CNTN6: variants seen among roughly 807,000 people sequenced by gnomAD.
The protein encoded by CNTN6 is contactin 6, also known as contactin-6.
In CNTN6, 137 loss-of-function variants were observed where a neutral mutation model predicts 122.8. That is an observed-to-expected ratio of 1.12 (90% CI 0.97 to 1.29). The LOEUF (loss-of-function observed/expected upper bound fraction) is 1.29. Among genes scored for constraint, CNTN6 ranks in the 50% most tolerant of loss-of-function variants. CNTN6 has a pLI of 0.00. For synonymous variants in CNTN6, 570 were observed against 426.0 expected, an observed-to-expected ratio of 1.34 and a Z score of -4.16; for missense variants, 1,634 against 1,223.4, an observed-to-expected ratio of 1.34 and a Z score of -5.01.
chr3:1,156,631 C>CTT (rs957597336), intron 2 of CNTN6, among the ~76,000 whole-genome samples: 49 of 147,750 alleles, frequency 3.3e-4, no homozygotes, highest in Non-Finnish European at 4.3e-4. Flanking sequence ...TTCTTTCTTT[C>CTT]TCTTTCTTTC....
intron 10 of CNTN6, among the ~76,000 whole-genome samples, chr3:1,328,809 AC>A (rs1701882185): frequency 6.6e-6 from 1 of 151,716 alleles, no homozygotes; most frequent in Non-Finnish European, 1.5e-5. Context: ...AGAAATGGAG[AC>A]TGGACACATG....
intron 7 of CNTN6, among the ~76,000 whole-genome samples, chr3:1,310,472 G>A (rs1699051828): frequency 6.6e-6 from 1 of 152,020 alleles, no homozygotes; most frequent in South Asian, 2.1e-4. Context: ...GTCCTATTTT[G>A]TTGTGGTGCA....
intron 1 of CNTN6, among the ~76,000 whole-genome samples, chr3:1,110,551 G>A (rs1051346444): frequency 1.3e-5 from 2 of 152,006 alleles, no homozygotes; most frequent in Admixed American, 1.3e-4. Context: ...TGGCAAATTT[G>A]GGGAAAAAGA....
intron 4 of CNTN6, among the ~76,000 whole-genome samples, chr3:1,240,670 C>A (rs1322780747): frequency 6.7e-6 from 1 of 149,752 alleles, no homozygotes; most frequent in African/African-American, 2.5e-5. Context: ...AATCCCACTA[C>A]TTGGTGTCTA....
Position 1,093,104 on chromosome 3 carries a change from C to T in CNTN6, c.-99C>T. ...AGTTCTGCAGAAAAACTGTAAAGAT[C>T]CCGAGACATTTCCCTGGTAAGATCT... On this transcript the variant is annotated 5_prime_UTR_variant, in exon 1 of 23. Coordinates refer to ENST00000446702, the MANE Select transcript of CNTN6 (RefSeq NM_001289080.2). The T allele has an allele frequency of 3.4e-6, 1 of 290,982 alleles. No homozygotes were observed. Among genetic ancestry groups the T allele is most frequent in the Non-Finnish European group, 6.8e-6 (1 of 146,234 alleles). The allele number at this position is 290,982 out of a possible 1,614,324, so 18.0% of individuals were successfully genotyped here.
At chr3:1,296,995 T>C (rs3772307) in intron 6 of CNTN6, among the ~76,000 whole-genome samples, 34,463 of 151,758 alleles carry the variant, frequency 0.23, 4,009 homozygotes, top group Non-Finnish European at 0.26. Context: ...TCAAACCTAT[T>C]TTAAAAGTGA....
At chr3:1,238,286 G>A (rs1313164127) in intron 4 of CNTN6, among the ~76,000 whole-genome samples, 2 of 152,108 alleles carry the variant, frequency 1.3e-5, no homozygotes, top group African/African-American at 4.8e-5. Context: ...AGCAGGAGTA[G>A]CTATTCTTCT....
At chr3:1,136,864 C>G (rs2092488077) in intron 1 of CNTN6, among the ~76,000 whole-genome samples, 1 of 152,094 alleles carries the variant, frequency 6.6e-6, no homozygotes, top group Non-Finnish European at 1.5e-5. Context: ...TTACTTAGTT[C>G]CTCCCAGTTT....
At chr3:1,189,042 AAAAAC>A (rs200979584) in intron 2 of CNTN6, among the ~76,000 whole-genome samples, 27 of 152,320 alleles carry the variant, frequency 1.8e-4, no homozygotes, top group Admixed American at 5.2e-4. Flanking sequence ...ATTTGCTGAT[AAAAAC>A]AAAACAAAAC....
At chr3:1,262,883 TATAA>T (rs1310730656) in intron 4 of CNTN6, among the ~76,000 whole-genome samples, 1 of 151,556 alleles carries the variant, frequency 6.6e-6, no homozygotes, top group Non-Finnish European at 1.5e-5. Flanking sequence ...TAAATGTAAA[TATAA>T]ATAAATCCAA....
intron 1 of CNTN6, among the ~76,000 whole-genome samples, chr3:1,107,723 A>G (rs2091291095): frequency 6.6e-6 from 1 of 151,956 alleles, no homozygotes; most frequent in African/African-American, 2.4e-5. Flanking sequence ...GGTAGGTGCT[A>G]ATGTGTATAA....
At chr3:1,366,729 T>G (rs1369692191) in intron 12 of CNTN6, among the ~76,000 whole-genome samples, 2 of 152,128 alleles carry the variant, frequency 1.3e-5, no homozygotes, top group African/African-American at 4.8e-5. Context: ...ATCAATGGCC[T>G]CATGGCTATT....
intron 12 of CNTN6, among the ~76,000 whole-genome samples, chr3:1,362,913 A>G (rs1429225672): frequency 1.3e-5 from 2 of 151,918 alleles, no homozygotes; most frequent in Admixed American, 1.3e-4. Context: ...ATTAAGTCAA[A>G]AAAACAAGAC....
At chr3:1,166,833 A>G (rs1233190596) in intron 2 of CNTN6, among the ~76,000 whole-genome samples, 2 of 152,150 alleles carry the variant, frequency 1.3e-5, no homozygotes, top group Non-Finnish European at 2.9e-5. Context: ...GAGTTGAGCT[A>G]TGAGAACACA....
chr3:1,229,053 T>G (rs79203164), intron 4 of CNTN6, among the ~76,000 whole-genome samples: 1 of 152,112 alleles, frequency 6.6e-6, no homozygotes, highest in Non-Finnish European at 1.5e-5. Context: ...CACATATACA[T>G]ATATACAGAT....
chr3:1,298,227 T>G, intron 7 of CNTN6: 1 of 433,726 alleles, frequency 2.3e-6, no homozygotes, highest in Non-Finnish European at 4.1e-6. Context: ...TGCTGATATT[T>G]CCTTAGTTTA....
At chr3:1,210,454 A>T (rs1355247803) in intron 2 of CNTN6, among the ~76,000 whole-genome samples, 1 of 151,556 alleles carries the variant, frequency 6.6e-6, no homozygotes, top group Non-Finnish European at 1.5e-5. Context: ...TCTTTATAGA[A>T]CCTGCATTCC....
intron 1 of CNTN6, among the ~76,000 whole-genome samples, chr3:1,099,210 G>T (rs1376363451): frequency 2.0e-5 from 3 of 152,108 alleles, no homozygotes; most frequent in East Asian, 1.9e-4. Flanking sequence ...CCAGCACTTT[G>T]GGAGGCCGAG....
At chr3:1,166,046 G>C (rs533760239) in intron 2 of CNTN6, among the ~76,000 whole-genome samples, 1 of 152,304 alleles carries the variant, frequency 6.6e-6, no homozygotes, top group East Asian at 1.9e-4. Flanking sequence ...TGAGGAAAGA[G>C]AAGTATAACT....
Sources: gnomAD v4.1 joint callset for allele counts (sites outside exome capture counted in the v4.1 genomes callset) on GRCh38, gnomAD v4.1.1 for gene constraint, MANE v1.5 for transcripts, NCBI Gene and HGNC (gene_info 2026-07-23, HGNC 2026-07-21) for gene names.